TSHZ2: variants seen among roughly 807,000 people sequenced by gnomAD.
The protein encoded by TSHZ2 is teashirt zinc finger homeobox 2, also known as teashirt homolog 2.
Under a neutral mutation model 74.4 loss-of-function variants are expected in TSHZ2, and 21 were observed. That is an observed-to-expected ratio of 0.28 (90% CI 0.20 to 0.41). TSHZ2 has a LOEUF of 0.41. TSHZ2 is among the 10% of genes least tolerant of loss of function. The probability of loss-of-function intolerance (pLI) is 1.00; values close to 1 mark genes in which losing one functional copy is unlikely to be tolerated. For missense variants in TSHZ2, 1,244 were observed against 1,293.5 expected (o/e 0.96, Z 0.59); for synonymous variants, 540 against 515.3 (o/e 1.05, Z -0.65).
chr20:53,067,739 T>C (rs1245030365), intron 1 of TSHZ2, among the ~76,000 whole-genome samples: 2 of 152,232 alleles, frequency 1.3e-5, no homozygotes, highest in Non-Finnish European at 2.9e-5. Context: ...CCTTTAAAAC[T>C]CCTGCCTTCC....
chr20:53,018,518 A>G (rs953526086), intron 1 of TSHZ2, among the ~76,000 whole-genome samples: 1 of 152,130 alleles, frequency 6.6e-6, no homozygotes, highest in Non-Finnish European at 1.5e-5. Flanking sequence ...AAGAAACATG[A>G]ATCTGACTCC....
chr20:53,073,378 A>G (rs1293761318), intron 1 of TSHZ2, among the ~76,000 whole-genome samples: 2 of 121,318 alleles, frequency 1.6e-5, no homozygotes, highest in African/African-American at 6.4e-5. Context: ...CCCTCCCTCC[A>G]TCCATTCATC....
intron 2 of TSHZ2, among the ~76,000 whole-genome samples, chr20:53,485,526 T>A (rs965790923): frequency 1.1e-4 from 17 of 152,158 alleles, no homozygotes; most frequent in African/African-American, 3.9e-4. Context: ...CTGGCCAACA[T>A]GGTGAAACCC....
chr20:53,286,042 A>G (rs1460193094), intron 2 of TSHZ2, among the ~76,000 whole-genome samples: 1 of 152,150 alleles, frequency 6.6e-6, no homozygotes, highest in Non-Finnish European at 1.5e-5. Flanking sequence ...AAGTGAAGGT[A>G]GAGGTATATG....
intron 2 of TSHZ2, among the ~76,000 whole-genome samples, chr20:53,473,513 C>A (rs1290210812): frequency 7.3e-6 from 1 of 137,430 alleles, no homozygotes; most frequent in Non-Finnish European, 1.6e-5. Context: ...CTGTACATCA[C>A]CATCATCAAA....
At chr20:53,460,697 T>G (rs1985323930) in intron 2 of TSHZ2, among the ~76,000 whole-genome samples, 2 of 152,210 alleles carry the variant, frequency 1.3e-5, no homozygotes, top group African/African-American at 4.8e-5. Flanking sequence ...TTTTGGTCTT[T>G]GATGATGGTG....
intron 2 of TSHZ2, among the ~76,000 whole-genome samples, chr20:53,294,400 C>T (rs1252048587): frequency 6.6e-6 from 1 of 152,072 alleles, no homozygotes; most frequent in Admixed American, 6.6e-5. Context: ...CTTTCCCCAC[C>T]TCTTGCTCAG....
At chr20:53,202,930 C>T (rs955126291) in intron 1 of TSHZ2, among the ~76,000 whole-genome samples, 2 of 152,146 alleles carry the variant, frequency 1.3e-5, no homozygotes, top group Admixed American at 1.3e-4. Context: ...TTCACTCTGC[C>T]TTTCTCTCTT....
chr20:53,261,658 C>T (rs1374995227), intron 2 of TSHZ2, among the ~76,000 whole-genome samples: 1 of 152,210 alleles, frequency 6.6e-6, no homozygotes, highest in Non-Finnish European at 1.5e-5. Context: ...CTTTTGAATG[C>T]TCAATCCTGA....
Position 53,333,821 on chromosome 20 carries a change from C to T in TSHZ2, c.*8+77250C>T, listed in dbSNP as rs548650517. Among the ~76,000 whole-genome samples, 65 of 152,254 alleles carry T rather than the reference C, an allele frequency of 4.3e-4. 1 individual carries two copies. The highest frequency in any genetic ancestry group is 5.9e-4 in the Admixed American group (9 of 15,296). ...ATGTTTCCTTCCTCCTAGGATGCAG[C>T]GACTGCATCTCTAGCATGGGCAGGA... On this transcript the variant is annotated intron_variant, in intron 2 of 2. Coordinates refer to ENST00000371497, the MANE Select transcript of TSHZ2 (RefSeq NM_173485.6).
intron 1 of TSHZ2, among the ~76,000 whole-genome samples, chr20:53,131,030 G>A (rs1442604291): frequency 6.6e-6 from 1 of 152,214 alleles, no homozygotes; most frequent in Non-Finnish European, 1.5e-5. Context: ...ATCACTTTCA[G>A]TGATGATGAT....
chr20:53,466,424 G>C (rs1199798237), intron 2 of TSHZ2, among the ~76,000 whole-genome samples: 1 of 152,146 alleles, frequency 6.6e-6, no homozygotes, highest in African/African-American at 2.4e-5. Flanking sequence ...TGGGCTGTAA[G>C]TTAGCTGCAA....
rs548235900 is a variant in TSHZ2 at position 53,259,054 on chromosome 20, C to A, written c.*8+2483C>A. Among the ~76,000 whole-genome samples the A allele has an allele frequency of 2.6e-5, 4 of 152,268 alleles. No homozygotes were observed. The South Asian group carries it at 8.3e-4, about 32-fold the overall frequency. On this transcript the variant is annotated intron_variant, in intron 2 of 2. Coordinates refer to ENST00000371497, the MANE Select transcript of TSHZ2 (RefSeq NM_173485.6). ...GTCACCTTAGAAAAAAATGCCTCCA[C>A]CCCCGGGGTCCTCTTTTAGAACAAT...
intron 2 of TSHZ2, among the ~76,000 whole-genome samples, chr20:53,385,380 A>G (rs1000557627): frequency 6.6e-6 from 1 of 152,160 alleles, no homozygotes; most frequent in Admixed American, 6.5e-5. Flanking sequence ...GGCTAAGTAT[A>G]TATTTGCACC....
chr20:53,226,428 GTGTGTGTA>G (rs1230230021), intron 1 of TSHZ2, among the ~76,000 whole-genome samples: 2 of 132,390 alleles, frequency 1.5e-5, no homozygotes, highest in African/African-American at 3.2e-5. Context: ...GTGTGGGTCG[GTGTGTGTA>G]TGTGTGTGTG....
chr20:53,263,781 C>G (rs1467766777), intron 2 of TSHZ2, among the ~76,000 whole-genome samples: 1 of 152,146 alleles, frequency 6.6e-6, no homozygotes, highest in Non-Finnish European at 1.5e-5. Flanking sequence ...ACTTTGGGCT[C>G]TAACATGAGT....
rs766736729 is a variant in TSHZ2 at position 53,254,782 on chromosome 20, G to C, written c.1324G>C (p.Ala442Pro). 1.2e-6 allele frequency: 2 copies of C among 1,613,202 alleles called. No homozygotes were observed. Among genetic ancestry groups the C allele is most frequent in the Non-Finnish European group, 1.7e-6 (2 of 1,179,430 alleles). Reference protein sequence around the residue: ...LSEAPNSDSLAPKPSSNSASD... With the variant: ...LSEAPNSDSLPPKPSSNSASD... Reference sequence around the variant, plus strand: ...TGAGGCCCCAAACAGTGATTCTCTGGCTCCCAAGCCATCCAGTAACTCAGC... The same window carrying C: ...TGAGGCCCCAAACAGTGATTCTCTGCCTCCCAAGCCATCCAGTAACTCAGC... The change falls in exon 2 of 3, where the codon GCT (alanine) becomes CCT (proline). Residue 442 changes from alanine (A) to proline (P), a missense_variant. This residue lies in a region of TSHZ2 where 562 missense variants were observed against 544.0 expected (regional missense o/e 1.03). Coordinates refer to ENST00000371497, the MANE Select transcript of TSHZ2 (RefSeq NM_173485.6).
rs1185322466 is a variant in TSHZ2, at chr20:53,096,946, AC to A, written c.40+123614del. Among the ~76,000 whole-genome samples the A allele has an allele frequency of 9.9e-5, 15 of 152,028 alleles. No homozygotes were observed. In the South Asian group the frequency reaches 1.7e-3, roughly 17 times the overall value. ...ACAAAACAAAAACAAAAAACAAAAA[AC>A]AAAAAAAAACAACAAAAAACAAGTT... On this transcript the variant is annotated intron_variant, in intron 1 of 2. Coordinates refer to ENST00000371497, the MANE Select transcript of TSHZ2 (RefSeq NM_173485.6).
chr20:53,238,634 AAC>A (rs1407253533), intron 1 of TSHZ2, among the ~76,000 whole-genome samples: 2 of 152,080 alleles, frequency 1.3e-5, no homozygotes, highest in African/African-American at 4.8e-5. Flanking sequence ...CACAGACATA[AAC>A]ACACACAATG....
Sources: gnomAD v4.1 joint callset for allele counts (sites outside exome capture counted in the v4.1 genomes callset) on GRCh38, gnomAD v4.1.1 for gene constraint, gnomAD v4.1.1 regional missense constraint, MANE v1.5 for transcripts, NCBI Gene and HGNC (gene_info 2026-07-23, HGNC 2026-07-21) for gene names.